Variants in DYNC2H1 observed in about 807,000 individuals in gnomAD.
DYNC2H1 encodes cytoplasmic dynein 2 heavy chain 1.
In DYNC2H1, 410 loss-of-function variants were observed where a neutral mutation model predicts 570.0. That is an observed-to-expected ratio of 0.72 (90% CI 0.66 to 0.78). The LOEUF is 0.78. DYNC2H1 is among the 30% of genes least tolerant of loss of function. The pLI, the probability that DYNC2H1 is intolerant of heterozygous loss-of-function variation, is 0.00. For missense variants in DYNC2H1, 4,865 were observed against 5,046.4 expected (o/e 0.96, Z 1.09); for synonymous variants, 1,688 against 1,677.6 (o/e 1.01, Z -0.15).
Position 103,321,019 on chromosome 11 carries a change from A to T in DYNC2H1, c.11726-10A>T, listed in dbSNP as rs185916947. On this transcript the variant is annotated splice_polypyrimidine_tract_variant and intron_variant, in intron 80 of 88. Coordinates refer to ENST00000375735, the MANE Select transcript of DYNC2H1 (RefSeq NM_001377.3). The stretch of plus-strand genomic sequence containing the variant: ...AAATGAAATTAATGAGTGTTTTTTT[A>T]AAATTATAGGTGCCAAAGATGTACA... The T allele has an allele frequency of 1.0e-3, 1,606 of 1,578,856 alleles. 9 individuals are homozygous for T. In the African/African-American group the frequency reaches 0.017, roughly 17 times the overall value.
intron 77 of DYNC2H1, among the ~76,000 whole-genome samples, chr11:103,307,518 T>G (rs1867350802): frequency 6.6e-6 from 1 of 152,174 alleles, no homozygotes; most frequent in Non-Finnish European, 1.5e-5. Flanking sequence ...CCAGTCAACA[T>G]GACTTTAGAT....
intron 84 of DYNC2H1, chr11:103,403,434 A>G (rs1942724907): frequency 6.6e-6 from 1 of 152,082 alleles, no homozygotes; most frequent in African/African-American, 2.4e-5. Flanking sequence ...CACTGCAGAG[A>G]GGTGTAGACC....
At chr11:103,219,339 C>A (rs749967044) in intron 55 of DYNC2H1, among the ~76,000 whole-genome samples, 2 of 145,570 alleles carry the variant, frequency 1.4e-5, no homozygotes, top group Non-Finnish European at 3.0e-5. Flanking sequence ...TTCTGCTGGG[C>A]GCAGTGGCTC....
chr11:103,266,678 C>T (rs1565446305), intron 70 of DYNC2H1, among the ~76,000 whole-genome samples: 1 of 152,134 alleles, frequency 6.6e-6, no homozygotes, highest in Non-Finnish European at 1.5e-5. Context: ...CGTGGGGAAG[C>T]TGGAGTGTGG....
chr11:103,460,917 G>A (rs1433280456), intron 87 of DYNC2H1, among the ~76,000 whole-genome samples: 1 of 152,032 alleles, frequency 6.6e-6, no homozygotes, highest in Non-Finnish European at 1.5e-5. Context: ...TAAATATTTA[G>A]TAACATAAAT....
Position 103,211,803 on chromosome 11 carries a change from C to G in DYNC2H1, c.8554C>G (p.Leu2852Val), listed in dbSNP as rs184949647. 7.3e-7 allele frequency: 1 copy of G among 1,368,224 alleles called. No individual in the cohort carries two copies. The highest frequency in any genetic ancestry group is 2.8e-5 in the East Asian group (1 of 36,298). 84.8% of individuals were successfully genotyped at this position (1,368,224 alleles called of 1,614,324 possible). A position where few individuals can be genotyped will look rare whatever the true frequency, so the allele number is the denominator to read the frequency against. The change falls in exon 54 of 89, where the codon CTA becomes GTA. Residue 2852 changes from leucine to valine, a missense_variant. By Grantham distance (32) the Leu-to-Val change is conservative (BLOSUM62 1). This residue lies in a region of DYNC2H1 where 2,401 missense variants were observed against 2,454.6 expected (regional missense o/e 0.98). Coordinates refer to ENST00000375735, the MANE Select transcript of DYNC2H1 (RefSeq NM_001377.3). ...TTTTTTTCTAGTTGATCCTGATTTTCTAAAATCATTTTTATTAATCCATGA... is the reference window on the plus strand; with the variant it reads ...TTTTTTTCTAGTTGATCCTGATTTTGTAAAATCATTTTTATTAATCCATGA... ...KKKNSVDPDF[L>V]KSFLLIHESC...
intron 85 of DYNC2H1, among the ~76,000 whole-genome samples, chr11:103,454,611 T>A (rs753531889): frequency 6.6e-6 from 1 of 152,210 alleles, no homozygotes; most frequent in Non-Finnish European, 1.5e-5. Context: ...ACACAGACTT[T>A]CTGTTGTTTT....
rs536277676 is a variant in DYNC2H1, at chr11:103,339,665, G to A, written c.12039+15675G>A. ...AGGCGATGCATGTACTCTTGTCATC[G>A]CTGAAGCCAGTGTCGTGCTGGATTG... On this transcript the variant is annotated intron_variant, in intron 82 of 88. Transcript: ENST00000375735. 7.8e-4 allele frequency among the ~76,000 whole-genome samples: 119 copies of A among 152,290 alleles called. 1 individual carries two copies. The highest frequency in any genetic ancestry group is 1.3e-3 in the Non-Finnish European group (87 of 68,020).
intron 75 of DYNC2H1, among the ~76,000 whole-genome samples, chr11:103,291,164 G>A (rs913917336): frequency 2.4e-4 from 36 of 152,204 alleles, no homozygotes; most frequent in African/African-American, 7.2e-4. Flanking sequence ...GCAGCTGGGC[G>A]TGGTGGCTCA....
chr11:103,197,485 T>C (rs948092129), intron 47 of DYNC2H1, among the ~76,000 whole-genome samples: 8 of 152,148 alleles, frequency 5.3e-5, no homozygotes, highest in African/African-American at 1.9e-4. Flanking sequence ...TCTCACTCTC[T>C]TGCCCAGGCT....
chr11:103,251,692 C>T (rs1864838167), intron 65 of DYNC2H1, among the ~76,000 whole-genome samples: 1 of 152,116 alleles, frequency 6.6e-6, no homozygotes, highest in African/African-American at 2.4e-5. Flanking sequence ...CCCATCCCCT[C>T]CTTCATTCCC....
chr11:103,336,366 GCCA>G (rs1939127909), intron 82 of DYNC2H1, among the ~76,000 whole-genome samples: 1 of 151,976 alleles, frequency 6.6e-6, no homozygotes, highest in Admixed American at 6.6e-5. Flanking sequence ...TCCCTGTTGT[GCCA>G]CCAAACACTA....
chr11:103,177,869 A>G lies in DYNC2H1; in HGVS notation c.6139+49A>G, dbSNP rs777589967. The G allele has an allele frequency of 4.5e-6, 7 of 1,540,000 alleles. No individual in the cohort carries two copies. Among genetic ancestry groups the G allele is most frequent in the East Asian group, 4.6e-5 (2 of 43,218 alleles). ...TGCTTTACTTAGTAATTCTTAGATA[A>G]TGATATAATTTGTCTATAATGCTGT... On this transcript the variant is annotated intron_variant, in intron 38 of 88. Transcript: ENST00000375735. The surrounding 1 kb of genome is among the most constrained non-coding windows in gnomAD (Gnocchi z 4.4).
intron 81 of DYNC2H1, among the ~76,000 whole-genome samples, chr11:103,323,274 C>G (rs1938305924): frequency 6.6e-6 from 1 of 152,128 alleles, no homozygotes; most frequent in African/African-American, 2.4e-5. Flanking sequence ...GCTCAACAAG[C>G]CAAGCTTATT....
intron 82 of DYNC2H1, among the ~76,000 whole-genome samples, chr11:103,339,488 G>C (rs1383222389): frequency 1.3e-5 from 2 of 152,212 alleles, no homozygotes; most frequent in African/African-American, 4.8e-5. Flanking sequence ...ACCTGCAACT[G>C]AAGGCTTTAG....
At chr11:103,389,191 A>G (rs1481006233) in intron 83 of DYNC2H1, among the ~76,000 whole-genome samples, 1 of 152,064 alleles carries the variant, frequency 6.6e-6, no homozygotes, top group East Asian at 1.9e-4. Context: ...GCTGTTATTG[A>G]TCTATTCAGA....
In DYNC2H1 at chr11:103,170,193, G is replaced by T; in HGVS notation, c.5054G>T (p.Gly1685Val). 1 of 1,613,110 alleles carries T rather than the reference G, an allele frequency of 6.2e-7. No homozygotes were observed. Among genetic ancestry groups the T allele is most frequent in the Non-Finnish European group, 8.5e-7 (1 of 1,179,466 alleles). The change falls in exon 33 of 89, where the codon GGA becomes GTA. Residue 1685 changes from glycine to valine, a missense_variant. Coordinates refer to ENST00000375735, the MANE Select transcript of DYNC2H1 (RefSeq NM_001377.3). This position sits in a 1 kb window ranked among gnomAD's most constrained non-coding sequence, Gnocchi z 4.8. ...CAAGCCATGAAGATGGGACTTGGAG[G>T]AAATCCTTATGGACCAGCTGGAACT... is the stretch of plus-strand genomic sequence containing the variant. ...LTQAMKMGLG[G>V]NPYGPAGTGK...
At position 103,456,294 on chromosome 11, in the gene DYNC2H1, G is replaced by C; in HGVS notation, c.12586G>C (p.Asp4196His). ...TTACAGGGCAGTGGGTCGTTCTGTG[G>C]ATAGCCTTAAATTTGTAGCCTCATG... ...ETARAVGRSV[D>H]SLKFVASWKG... The change falls in exon 87 of 89, where the codon GAT becomes CAT. Residue 4196 changes from aspartate (D) to histidine (H), a missense_variant. Around this residue, in one of 5 missense-constraint regions of DYNC2H1, gnomAD observed 2,401 missense variants for 2,454.6 expected, o/e 0.98. Transcript: ENST00000375735. The C allele has an allele frequency of 6.2e-7, 1 of 1,609,210 alleles. No individual in the cohort carries two copies. The highest frequency in any genetic ancestry group is 8.5e-7 in the Non-Finnish European group (1 of 1,177,332).
chr11:103,143,103 GTTTA>G (rs1860045178), intron 17 of DYNC2H1, among the ~76,000 whole-genome samples, 161 bp from the exon 18 acceptor site: 1 of 151,914 alleles, frequency 6.6e-6, no homozygotes, highest in East Asian at 1.9e-4. Flanking sequence ...TCTTTTTTCT[GTTTA>G]TTCTTTAGGC....
Sources: gnomAD v4.1 joint callset for allele counts (sites outside exome capture counted in the v4.1 genomes callset) on GRCh38, gnomAD v4.1.1 for gene constraint, gnomAD v4.1.1 regional missense constraint, Gnocchi (gnomAD v3.1) non-coding constraint, MANE v1.5 for transcripts, NCBI Gene and HGNC (gene_info 2026-07-23, HGNC 2026-07-21) for gene names.